GRB10: variants seen among roughly 807,000 people sequenced by gnomAD.
GRB10 encodes growth factor receptor bound protein 10.
Under a neutral mutation model 80.9 loss-of-function variants are expected in GRB10, and 20 were observed. The ratio of observed to expected loss-of-function variants is 0.25; its 90% CI spans 0.17 to 0.36. The LOEUF (loss-of-function observed/expected upper bound fraction) is 0.36. Among genes scored for constraint, GRB10 ranks in the 10% least tolerant of loss-of-function variants. The pLI is 1.00. For missense variants in GRB10, 548 were observed against 747.7 expected, an observed-to-expected ratio of 0.73 and a Z score of 3.12; for synonymous variants, 291 against 291.5, an observed-to-expected ratio of 1.00 and a Z score of 0.02.
At chr7:50,786,014 G>A (rs1037575288), upstream of GRB10, among the ~76,000 whole-genome samples, 1 of 152,150 alleles carries the variant, frequency 6.6e-6, no homozygotes, top group African/African-American at 2.4e-5. Context: ...CAGAGGGCAT[G>A]TAGGAAATCT....
upstream of GRB10, among the ~76,000 whole-genome samples, chr7:50,785,925 A>G (rs2153715458): frequency 6.6e-6 from 1 of 152,376 alleles, no homozygotes; most frequent in South Asian, 2.1e-4. Flanking sequence ...CTCACTTTGA[A>G]TGTCAATAAT....
intron 5 of GRB10, among the ~76,000 whole-genome samples, chr7:50,683,195 G>A (rs1229040687): frequency 6.6e-6 from 1 of 152,302 alleles, no homozygotes; most frequent in South Asian, 2.1e-4. Flanking sequence ...GAACCTTGAG[G>A]ACATAATAAG....
At chr7:50,754,480 C>T (rs2074722850) in intron 3 of GRB10, among the ~76,000 whole-genome samples, 1 of 152,178 alleles carries the variant, frequency 6.6e-6, no homozygotes, top group African/African-American at 2.4e-5. Flanking sequence ...CTGCAGGAGG[C>T]TCCAGCTCCC....
At chr7:50,621,770 T>C (rs1224828011) in intron 8 of GRB10, among the ~76,000 whole-genome samples, 12 of 152,226 alleles carry the variant, frequency 7.9e-5, no homozygotes, top group Non-Finnish European at 1.5e-5. Context: ...ATTCCAAAAA[T>C]AATTTCAAGA....
At chr7:50,627,274 A>G (rs1231497414) in intron 7 of GRB10, among the ~76,000 whole-genome samples, 10 of 152,218 alleles carry the variant, frequency 6.6e-5, no homozygotes, top group African/African-American at 2.4e-4. Context: ...AACCTGTCTT[A>G]AGAAGTGACA....
At position 50,703,321 on chromosome 7, in the gene GRB10, C is replaced by A. The variant is rs1427364667; in HGVS notation, c.139+500G>T. Among the ~76,000 whole-genome samples, 3 of 152,224 alleles carry A rather than the reference C, an allele frequency of 2.0e-5. No homozygotes were observed. In the East Asian group the frequency reaches 5.8e-4, roughly 29 times the overall value. On this transcript the variant is annotated intron_variant, in intron 5 of 18. Coordinates refer to ENST00000401949, the MANE Select transcript of GRB10 (RefSeq NM_001350814.2). ...GGCTCCTCATCCTACGGCAAAGCTTCCATTTATTCAATCTAATTTCCTAAG... is the reference window on the plus strand; with the variant it reads ...GGCTCCTCATCCTACGGCAAAGCTTACATTTATTCAATCTAATTTCCTAAG...
chr7:50,770,003 T>C (rs1262493685), intron 2 of GRB10, among the ~76,000 whole-genome samples: 4 of 152,326 alleles, frequency 2.6e-5, no homozygotes, highest in Admixed American at 1.3e-4. Flanking sequence ...CACATCACAC[T>C]GGCTCAACAA....
intron 7 of GRB10, among the ~76,000 whole-genome samples, chr7:50,667,663 GA>G (rs759613535): frequency 3.0e-3 from 427 of 142,004 alleles, no homozygotes; most frequent in Middle Eastern, 3.6e-3. Flanking sequence ...AGCAAGTCGG[GA>G]AAAAAAAAAA....
In GRB10 at chr7:50,614,809, C is replaced by T. The variant is rs1209510053; in HGVS notation, c.1056G>A (p.Lys352=). Residue 352 remains lysine, a synonymous_variant, in exon 12 of 19, where the codon AAG becomes AAA. Coordinates refer to ENST00000401949, the MANE Select transcript of GRB10 (RefSeq NM_001350814.2). ...CGTGGTCTGTAGGGGCGTTGTACTG[C>T]TTCCTGCCAGCGATCAGGGAGAAGA... is the stretch of plus-strand genomic sequence containing the variant. The part of the protein sequence containing the change: ...SNIFSLIAGR[K]QYNAPTDHGL... 2.5e-6 allele frequency: 4 copies of T among 1,614,066 alleles called. No homozygotes were observed. The highest frequency in any genetic ancestry group is 3.4e-6 in the Non-Finnish European group (4 of 1,179,984).
At chr7:50,759,867 G>T (rs940009109) in intron 2 of GRB10, among the ~76,000 whole-genome samples, 2 of 152,156 alleles carry the variant, frequency 1.3e-5, no homozygotes, top group African/African-American at 4.8e-5. Flanking sequence ...CAGAGACAGT[G>T]AATGGCCAGG....
chr7:50,775,297 A>T (rs989339044), intron 2 of GRB10, among the ~76,000 whole-genome samples: 5 of 152,204 alleles, frequency 3.3e-5, no homozygotes, highest in African/African-American at 1.2e-4. Context: ...ACATTAAATC[A>T]ATGGTAAGGC....
intron 7 of GRB10, among the ~76,000 whole-genome samples, chr7:50,653,734 C>A (rs1028070399): frequency 6.6e-6 from 1 of 152,204 alleles, no homozygotes; most frequent in Admixed American, 6.5e-5. Context: ...TCCTTCCACA[C>A]GCTTCACCAC....
intron 7 of GRB10, among the ~76,000 whole-genome samples, chr7:50,641,843 T>C (rs2056320132): frequency 6.6e-6 from 1 of 152,150 alleles, no homozygotes; most frequent in South Asian, 2.1e-4. Context: ...CTCAGTGGCC[T>C]GAGGATTTAC....
At chr7:50,639,418 G>C (rs2055724615) in intron 7 of GRB10, among the ~76,000 whole-genome samples, 1 of 152,182 alleles carries the variant, frequency 6.6e-6, no homozygotes, top group Non-Finnish European at 1.5e-5. Flanking sequence ...GCTCACGCCT[G>C]TAATCCCAGC....
chr7:50,619,373 C>T lies in GRB10; in HGVS notation c.662-88G>A, dbSNP rs549405290. 4.1e-4 allele frequency: 335 copies of T among 823,810 alleles called. 4 individuals are homozygous for T. In the South Asian group the frequency reaches 4.2e-3, roughly 10 times the overall value. 51.0% of individuals were successfully genotyped at this position (823,810 alleles called of 1,614,324 possible). On this transcript the variant is annotated intron_variant, in intron 8 of 18. Transcript: ENST00000401949. ...CCAAATGGAAGATTTGTTCAACTTT[C>T]TATTCTTCTTTAAACATTATGAATA...
chr7:50,773,921 G>A (rs1456700953), intron 2 of GRB10, among the ~76,000 whole-genome samples: 2 of 152,198 alleles, frequency 1.3e-5, no homozygotes, highest in Admixed American at 6.5e-5. Context: ...GCAGTGGCGT[G>A]ATCTCAGCTC....
At chr7:50,672,811 G>A (rs931449467) in intron 6 of GRB10, among the ~76,000 whole-genome samples, 3 of 152,062 alleles carry the variant, frequency 2.0e-5, no homozygotes, top group Non-Finnish European at 2.9e-5. Flanking sequence ...ATGCTCCCAA[G>A]AGATGCTCCC....
At chr7:50,745,723 A>G (rs1194779919) in intron 3 of GRB10, among the ~76,000 whole-genome samples, 1 of 152,250 alleles carries the variant, frequency 6.6e-6, no homozygotes, top group East Asian at 1.9e-4. Context: ...AATGCGCTCC[A>G]AAGTCATTCC....
At chr7:50,664,261 C>T (rs1215668669) in intron 7 of GRB10, among the ~76,000 whole-genome samples, 1 of 152,236 alleles carries the variant, frequency 6.6e-6, no homozygotes, top group Non-Finnish European at 1.5e-5. Flanking sequence ...ATCGTACCCA[C>T]CAGCCTGAAC....
Sources: gnomAD v4.1 joint callset for allele counts (sites outside exome capture counted in the v4.1 genomes callset) on GRCh38, gnomAD v4.1.1 for gene constraint, MANE v1.5 for transcripts, NCBI Gene and HGNC (gene_info 2026-07-23, HGNC 2026-07-21) for gene names.